The following DLG2 variants were observed in gnomAD, a reference collection of about 807,000 sequenced individuals.
DLG2 encodes the protein disks large homolog 2.
In DLG2, 45 loss-of-function variants were observed where a neutral mutation model predicts 132.5. That is an observed-to-expected ratio of 0.34 (90% CI 0.27 to 0.44). The LOEUF is 0.44. Ranked by LOEUF, DLG2 falls within the 20% of genes least tolerant of loss-of-function variation. The probability of loss-of-function intolerance (pLI) is 1.00; values close to 1 mark genes in which losing one functional copy is unlikely to be tolerated. For synonymous variants in DLG2, 424 were observed against 419.6 expected (o/e 1.01, Z -0.13); for missense variants, 1,045 against 1,196.9 (o/e 0.87, Z 1.87).
chr11:84,760,744 G>C (rs984223540), intron 6 of DLG2, among the ~76,000 whole-genome samples: 1 of 152,176 alleles, frequency 6.6e-6, no homozygotes, highest in Non-Finnish European at 1.5e-5. Flanking sequence ...ACAGGAGACA[G>C]GAAAATACTG....
chr11:85,179,192 G>A (rs1285794543), intron 4 of DLG2, among the ~76,000 whole-genome samples: 1 of 151,888 alleles, frequency 6.6e-6, no homozygotes, highest in Admixed American at 6.6e-5. Flanking sequence ...ACAGTGCCAT[G>A]AGAAAATAAT....
intron 6 of DLG2, among the ~76,000 whole-genome samples, chr11:85,010,782 T>C (rs1380736283): frequency 3.3e-5 from 5 of 151,976 alleles, no homozygotes; most frequent in Admixed American, 6.6e-5. Flanking sequence ...TAAAGTTGCA[T>C]TGAAAGAAAA....
At chr11:85,372,486 G>A (rs1596608604) in intron 3 of DLG2, among the ~76,000 whole-genome samples, 1 of 152,184 alleles carries the variant, frequency 6.6e-6, no homozygotes, top group South Asian at 2.1e-4. Flanking sequence ...CAAAGCCCTA[G>A]GAAAGAAAAT....
chr11:84,583,510 C>A (rs2099521590), intron 6 of DLG2, among the ~76,000 whole-genome samples: 1 of 152,138 alleles, frequency 6.6e-6, no homozygotes. Context: ...TCTTAACAAA[C>A]CCTAATGTTA....
intron 6 of DLG2, among the ~76,000 whole-genome samples, chr11:84,755,075 A>G (rs1410504648): frequency 6.6e-6 from 1 of 152,214 alleles, no homozygotes; most frequent in Non-Finnish European, 1.5e-5. Flanking sequence ...ATCTTTTACT[A>G]TCATATTCAA....
intron 9 of DLG2, among the ~76,000 whole-genome samples, chr11:84,119,232 A>G (rs185724038): frequency 1.3e-5 from 2 of 152,244 alleles, no homozygotes; most frequent in African/African-American, 2.4e-5. Context: ...AGCACAACAC[A>G]GCATTTTAGA....
intron 6 of DLG2, among the ~76,000 whole-genome samples, chr11:84,910,226 T>G (rs2091930249): frequency 1.3e-5 from 2 of 152,190 alleles, no homozygotes; most frequent in Non-Finnish European, 2.9e-5. Context: ...TCCAATCATT[T>G]CTGCAAAACT....
chr11:84,815,284 A>G (rs1388406855), intron 6 of DLG2, among the ~76,000 whole-genome samples: 1 of 152,126 alleles, frequency 6.6e-6, no homozygotes, highest in Non-Finnish European at 1.5e-5. Context: ...ATAGAAAGTA[A>G]CTTAGAGAAA....
intron 19 of DLG2, among the ~76,000 whole-genome samples, chr11:83,577,754 T>G (rs1207239698): frequency 7.8e-6 from 1 of 127,482 alleles, no homozygotes; most frequent in African/African-American, 3.0e-5. Flanking sequence ...TATAAATATA[T>G]AATTATTAAA....
intron 3 of DLG2, among the ~76,000 whole-genome samples, chr11:85,481,308 C>T (rs2093283542): frequency 6.6e-6 from 1 of 152,160 alleles, no homozygotes. Context: ...GAATAGGGCT[C>T]TCTAATGCTT....
chr11:85,309,875 G>T (rs2080204618), intron 3 of DLG2, among the ~76,000 whole-genome samples: 3 of 152,102 alleles, frequency 2.0e-5, no homozygotes, highest in Non-Finnish European at 1.5e-5. Context: ...CTCTCCCATA[G>T]CCATTATGGC....
At chr11:85,492,490 A>G (rs1013353884) in intron 3 of DLG2, among the ~76,000 whole-genome samples, 3 of 152,218 alleles carry the variant, frequency 2.0e-5, no homozygotes, top group African/African-American at 7.2e-5. Context: ...GTCATGACTA[A>G]GGTAACCCCA....
intron 6 of DLG2, among the ~76,000 whole-genome samples, chr11:84,601,705 T>G (rs1341805429): frequency 1.3e-5 from 2 of 152,128 alleles, no homozygotes; most frequent in Non-Finnish European, 2.9e-5. Context: ...ATGCCTACAT[T>G]TTGACAATGT....
intron 6 of DLG2, among the ~76,000 whole-genome samples, chr11:84,706,077 A>G (rs557010326): frequency 6.6e-6 from 1 of 151,952 alleles, no homozygotes; most frequent in Admixed American, 6.6e-5. Flanking sequence ...GATGTCTTCC[A>G]TGAAGAGATG....
intron 6 of DLG2, among the ~76,000 whole-genome samples, chr11:84,841,846 A>T (rs1398363800): frequency 6.6e-5 from 10 of 151,982 alleles, no homozygotes; most frequent in African/African-American, 2.4e-4. Flanking sequence ...ATGCATCATA[A>T]TTTTTTTAAC....
chr11:85,288,390 A>C (rs549971021), intron 3 of DLG2, among the ~76,000 whole-genome samples: 7 of 152,084 alleles, frequency 4.6e-5, no homozygotes, highest in Admixed American at 3.9e-4. Context: ...TTAATAACAT[A>C]CGGGCTGGTA....
intron 18 of DLG2, among the ~76,000 whole-genome samples, chr11:83,762,427 G>C (rs934760665): frequency 6.6e-6 from 1 of 152,072 alleles, no homozygotes; most frequent in African/African-American, 2.4e-5. Context: ...CCACATTCTA[G>C]CATCACCTCA....
At chr11:84,707,820 T>C (rs1407519099) in intron 6 of DLG2, among the ~76,000 whole-genome samples, 1 of 151,796 alleles carries the variant, frequency 6.6e-6, no homozygotes, top group Non-Finnish European at 1.5e-5. Flanking sequence ...TACAAATATA[T>C]AAATAAAAAC....
At chr11:85,287,731 A>G (rs1218302523) in intron 3 of DLG2, among the ~76,000 whole-genome samples, 2 of 152,158 alleles carry the variant, frequency 1.3e-5, no homozygotes, top group Non-Finnish European at 2.9e-5. Context: ...AACATTAGAA[A>G]CATTCCAATG....
Sources: allele counts gnomAD v4.1 joint callset (sites outside exome capture counted in the v4.1 genomes callset), GRCh38; gene constraint gnomAD v4.1.1; transcripts MANE v1.5; gene names NCBI Gene and HGNC (gene_info 2026-07-23, HGNC 2026-07-21).